Variants in NSD2 observed in about 807,000 individuals in gnomAD.
NSD2 encodes the protein nuclear receptor binding SET domain protein 2.
Under a neutral mutation model 139.0 loss-of-function variants are expected in NSD2, and 12 were observed. That is an observed-to-expected ratio of 0.09 (90% CI 0.06 to 0.14). The LOEUF is 0.14. Among genes scored for constraint, NSD2 ranks in the 10% least tolerant of loss-of-function variants. The pLI is 1.00. For missense variants in NSD2, 1,155 were observed against 1,745.0 expected (o/e 0.66, Z 6.02); for synonymous variants, 669 against 648.7 (o/e 1.03, Z -0.48).
intron 1 of NSD2, among the ~76,000 whole-genome samples, chr4:1,872,581 T>TGAGAGAGA: frequency 1.5e-5 from 1 of 66,306 alleles, no homozygotes; most frequent in East Asian, 5.8e-4. Flanking sequence ...TGTGTGTGTG[T>TGAGAGAGA]GTGTGTGTGT....
At chr4:1,883,539 C>T (rs550198209) in intron 1 of NSD2, among the ~76,000 whole-genome samples, 4 of 150,372 alleles carry the variant, frequency 2.7e-5, no homozygotes, top group African/African-American at 4.9e-5. Context: ...GGCTGAGGCA[C>T]GAGAATTGCT....
intron 9 of NSD2, chr4:1,940,208 G>A (rs1722947934): frequency 2.0e-5 from 22 of 1,079,168 alleles, no homozygotes; most frequent in Non-Finnish European, 2.5e-5. Context: ...CCTGATTCCT[G>A]TTGCTTCCAG....
chr4:1,934,864 AAAAAAAAAAAAAAAATATATATATAT>A (rs1722128693), intron 6 of NSD2, among the ~76,000 whole-genome samples: 1 of 95,098 alleles, frequency 1.1e-5, no homozygotes, highest in African/African-American at 4.6e-5. Context: ...AAAAAAAAAA[AAAAAAAAAAAAAAAATATATATATAT>A]ATATATATAT....
At chr4:1,952,728 T>C in intron 11 of NSD2, 1 of 1,077,122 alleles carries the variant, frequency 9.3e-7, no homozygotes, top group African/African-American at 1.7e-5. Context: ...GTGCTGTTGT[T>C]CTGCCTCCAT....
At chr4:1,927,221 A>C (rs1721025901) in intron 5 of NSD2, among the ~76,000 whole-genome samples, 1 of 152,206 alleles carries the variant, frequency 6.6e-6, no homozygotes, top group African/African-American at 2.4e-5. Flanking sequence ...TGATCCAAGA[A>C]AGAGCAAGGT....
chr4:1,966,409 C>T (rs1006052949), intron 18 of NSD2, among the ~76,000 whole-genome samples: 50 of 152,148 alleles, frequency 3.3e-4, no homozygotes, highest in African/African-American at 1.2e-3. Flanking sequence ...GTAATTCCAG[C>T]GCTTTGGGAG....
chr4:1,944,866 T>C, intron 9 of NSD2: 3 of 1,063,300 alleles, frequency 2.8e-6, no homozygotes, highest in Non-Finnish European at 3.4e-6. Context: ...TACATCTCAG[T>C]GCTGTCTTGA....
intron 21 of NSD2, among the ~76,000 whole-genome samples, chr4:1,977,650 C>T (rs376652101): frequency 1.3e-5 from 2 of 151,962 alleles, no homozygotes; most frequent in Admixed American, 6.6e-5. Context: ...GTGGCATGCA[C>T]CTGTAATCCC....
chr4:1,915,951 T>C (rs1018298865), intron 3 of NSD2, among the ~76,000 whole-genome samples: 4 of 152,164 alleles, frequency 2.6e-5, no homozygotes, highest in African/African-American at 7.2e-5. Context: ...ACCTTCTCAT[T>C]TGACTTCAGT....
intron 6 of NSD2, among the ~76,000 whole-genome samples, chr4:1,931,244 G>C (rs1262563867): frequency 6.6e-6 from 1 of 152,220 alleles, no homozygotes; most frequent in African/African-American, 2.4e-5. Context: ...AGTGTGGGCA[G>C]CTCCTGGCTT....
chr4:1,957,751 C>T (rs1724977830), intron 15 of NSD2, among the ~76,000 whole-genome samples, 182 bp from the exon 16 acceptor site: 1 of 152,164 alleles, frequency 6.6e-6, no homozygotes, highest in Non-Finnish European at 1.5e-5. Flanking sequence ...TCCTTTGCCT[C>T]ACACACTTGG....
rs748411778 is a variant in NSD2 at position 1,953,506 on chromosome 4, A to T, written c.2320A>T (p.Asn774Tyr). 1.2e-6 allele frequency: 2 copies of T among 1,612,012 alleles called. No homozygotes were observed. The highest frequency in any genetic ancestry group is 2.2e-5 in the South Asian group (2 of 90,898). The change falls in exon 12 of 22, where the codon AAC becomes TAC. Residue 774 changes from asparagine to tyrosine, a missense_variant. Transcript: ENST00000508803. ...CVSCHASNPS[N>Y]PRPSKGKMMR... The stretch of plus-strand genomic sequence containing the variant: ...GAGCTGCCATGCTTCCAACCCTTCA[A>T]ACCCAAGGCCGTCAAAAGGTACAGG...
At chr4:1,883,105 A>T (rs1281697364) in intron 1 of NSD2, among the ~76,000 whole-genome samples, 1 of 151,910 alleles carries the variant, frequency 6.6e-6, no homozygotes, top group East Asian at 1.9e-4. Flanking sequence ...GATGAGGGGA[A>T]GTTCTGGTGC....
chr4:1,966,069 GT>G (rs1725855132), intron 18 of NSD2, among the ~76,000 whole-genome samples: 1 of 152,166 alleles, frequency 6.6e-6, no homozygotes, highest in Admixed American at 6.5e-5. Context: ...AAAAAAAAAT[GT>G]TAACCAAGAC....
At chr4:1,977,433 CTG>C (rs1305030179) in intron 21 of NSD2, among the ~76,000 whole-genome samples, 3 of 152,210 alleles carry the variant, frequency 2.0e-5, no homozygotes, top group African/African-American at 4.8e-5. Context: ...AGGCTCTTGA[CTG>C]TGTGGAATCA....
At chr4:1,917,475 G>A (rs1025466669) in intron 4 of NSD2, among the ~76,000 whole-genome samples, 5 of 151,852 alleles carry the variant, frequency 3.3e-5, no homozygotes, top group South Asian at 4.2e-4. Flanking sequence ...CACTCTTGTC[G>A]CCCAGGCTGG....
intron 1 of NSD2, chr4:1,892,117 G>GAC (rs932814869): frequency 6.6e-6 from 1 of 152,076 alleles, no homozygotes; most frequent in African/African-American, 2.4e-5. Flanking sequence ...ACTTGGGTGG[G>GAC]ACTCAGTGGT....
In NSD2 at chr4:1,965,533, C is replaced by G. The variant is rs142506599; in HGVS notation, c.3372+4382C>G. Among the ~76,000 whole-genome samples, 5 of 152,256 alleles carry G rather than the reference C, an allele frequency of 3.3e-5. No homozygotes were observed. In the East Asian group the frequency reaches 9.6e-4, roughly 29 times the overall value. On this transcript the variant is annotated intron_variant, in intron 18 of 21. Transcript: ENST00000508803. ...AACATCTAAAGAAGCTCAATAAACT[C>G]CAGATGATCAAACTTTCGAAAACCA...
chr4:1,939,093 T>C (rs191195472), intron 8 of NSD2, among the ~76,000 whole-genome samples: 1 of 152,330 alleles, frequency 6.6e-6, no homozygotes, highest in Admixed American at 6.5e-5. Flanking sequence ...TCTCCAACTC[T>C]TAATTAAAAG....
Sources: gnomAD v4.1 joint callset for allele counts (sites outside exome capture counted in the v4.1 genomes callset) on GRCh38, gnomAD v4.1.1 for gene constraint, MANE v1.5 for transcripts, NCBI Gene and HGNC (gene_info 2026-07-23, HGNC 2026-07-21) for gene names.